The following SORCS2 variants were observed in gnomAD, a reference collection of about 807,000 sequenced individuals.
SORCS2 encodes VPS10 domain-containing receptor SorCS2.
In SORCS2, 100 loss-of-function variants were observed where a neutral mutation model predicts 141.6. That is an observed-to-expected ratio of 0.71 (90% confidence interval 0.60 to 0.83). SORCS2 has a LOEUF of 0.83. Ranked by LOEUF, SORCS2 falls within the 40% of genes least tolerant of loss-of-function variation. The pLI is 0.00. For synonymous variants in SORCS2, 789 were observed against 676.9 expected, an observed-to-expected ratio of 1.17 and a Z score of -2.57; for missense variants, 1,646 against 1,560.2, an observed-to-expected ratio of 1.05 and a Z score of -0.93.
chr4:7,625,482 A>G (rs73218615), intron 3 of SORCS2, among the ~76,000 whole-genome samples: 1,784 of 152,072 alleles, frequency 0.012, 13 homozygotes, highest in Middle Eastern at 0.017. Flanking sequence ...GCACACAGTC[A>G]CCGTCTCTCA....
At chr4:7,216,622 C>G (rs11723611) in intron 1 of SORCS2, among the ~76,000 whole-genome samples, 38,245 of 151,998 alleles carry the variant, frequency 0.25, 5,150 homozygotes, top group East Asian at 0.45. Context: ...CTCCTTACTC[C>G]CATCCCTCCA....
chr4:7,404,494 C>T (rs1362587394), intron 2 of SORCS2, among the ~76,000 whole-genome samples: 1 of 152,044 alleles, frequency 6.6e-6, no homozygotes, highest in African/African-American at 2.4e-5. Flanking sequence ...TGCACTGTTC[C>T]ACATCCTCAC....
chr4:7,531,708 C>A, intron 3 of SORCS2, 79 bp downstream of exon 3: 3 of 1,400,160 alleles, frequency 2.1e-6, no homozygotes, highest in Non-Finnish European at 3.0e-6. Flanking sequence ...AAGCTGCTGC[C>A]CTGCCCTGCT....
rs112138461 is a variant in SORCS2 at position 7,402,664 on chromosome 4, A to C, written c.548+6309A>C. On this transcript the variant is annotated intron_variant, in intron 2 of 26. Transcript: ENST00000507866. ...GGATAGGGTGGAAGATGTGTGCACA[A>C]CTTTCTTTTTCTCTACCTATTGCCA... is the stretch of plus-strand genomic sequence containing the variant. Among the ~76,000 whole-genome samples the C allele has an allele frequency of 3.2e-3, 493 of 152,310 alleles. 6 individuals carry two copies. Among genetic ancestry groups the C allele is most frequent in the African/African-American group, 0.011 (446 of 41,558 alleles).
At chr4:7,203,964 T>C (rs4689083) in intron 1 of SORCS2, among the ~76,000 whole-genome samples, 69,908 of 152,174 alleles carry the variant, frequency 0.46, 18,788 homozygotes, top group East Asian at 0.8. Context: ...CCTGAAGGTT[T>C]GCCCAGGCTG....
intron 2 of SORCS2, among the ~76,000 whole-genome samples, chr4:7,421,667 G>C (rs1276049690): frequency 6.6e-6 from 1 of 152,140 alleles, no homozygotes; most frequent in Non-Finnish European, 1.5e-5. Context: ...CTCTCCAGTG[G>C]CTCCGGGGAC....
chr4:7,576,134 C>T (rs370600617), intron 3 of SORCS2, among the ~76,000 whole-genome samples: 16 of 152,150 alleles, frequency 1.1e-4, no homozygotes, highest in East Asian at 3.9e-4. Context: ...GATTAATTAG[C>T]GTGCGAGGGA....
chr4:7,445,057 G>A (rs1298470401), intron 2 of SORCS2, among the ~76,000 whole-genome samples: 4 of 152,158 alleles, frequency 2.6e-5, no homozygotes, highest in Non-Finnish European at 5.9e-5. Context: ...GACCATTGCT[G>A]CGGGTGGCAA....
chr4:7,329,804 C>A (rs116430693), intron 1 of SORCS2, among the ~76,000 whole-genome samples: 2 of 152,188 alleles, frequency 1.3e-5, no homozygotes, highest in Non-Finnish European at 2.9e-5. Flanking sequence ...CCCATACAAC[C>A]TTTCCAGGTC....
chr4:7,659,862 G>T (rs182889301), intron 5 of SORCS2, among the ~76,000 whole-genome samples: 5 of 152,180 alleles, frequency 3.3e-5, no homozygotes, highest in South Asian at 4.1e-4. Context: ...TATTTGGTAC[G>T]CAATGCTGTG....
At chr4:7,625,431 A>G (rs1719454518) in intron 3 of SORCS2, among the ~76,000 whole-genome samples, 1 of 152,060 alleles carries the variant, frequency 6.6e-6, no homozygotes. Flanking sequence ...TTGTGAGAAT[A>G]TAATGAGGAC....
At chr4:7,418,713 C>CCCA (rs1553859437) in intron 2 of SORCS2, among the ~76,000 whole-genome samples, 1 of 50,676 alleles carries the variant, frequency 2.0e-5, no homozygotes, top group Non-Finnish European at 5.1e-5. Context: ...CCCCCCCCCC[C>CCCA]ACCAGATTTG....
intron 1 of SORCS2, among the ~76,000 whole-genome samples, chr4:7,215,414 G>C (rs923838004): frequency 6.6e-6 from 1 of 152,222 alleles, no homozygotes; most frequent in Non-Finnish European, 1.5e-5. Flanking sequence ...GCCTTCCCCC[G>C]ACTCCGTGGG....
chr4:7,389,034 C>A (rs746637135), intron 1 of SORCS2, among the ~76,000 whole-genome samples: 4 of 152,234 alleles, frequency 2.6e-5, no homozygotes, highest in Non-Finnish European at 5.9e-5. Flanking sequence ...CTTAACTTGG[C>A]GGTTCTGCCC....
chr4:7,520,051 G>C (rs1733226440), intron 2 of SORCS2, among the ~76,000 whole-genome samples: 1 of 152,234 alleles, frequency 6.6e-6, no homozygotes, highest in Admixed American at 6.5e-5. Context: ...CCTGGAGGAG[G>C]AGAGCCCTGG....
intron 2 of SORCS2, among the ~76,000 whole-genome samples, chr4:7,427,853 C>T (rs962944829): frequency 6.8e-6 from 1 of 146,628 alleles, no homozygotes; most frequent in African/African-American, 2.5e-5. Context: ...GCCCCCCCGC[C>T]CCCCCGCACC....
chr4:7,277,603 A>G (rs545353683), intron 1 of SORCS2, among the ~76,000 whole-genome samples: 1 of 152,056 alleles, frequency 6.6e-6, no homozygotes, highest in African/African-American at 2.4e-5. Flanking sequence ...AGGGGGAGAG[A>G]TGATTGGATT....
At chr4:7,736,613 G>A (rs1328883050) in intron 25 of SORCS2, among the ~76,000 whole-genome samples, 1 of 152,190 alleles carries the variant, frequency 6.6e-6, no homozygotes, top group Admixed American at 6.5e-5. Context: ...CTGGGAAATC[G>A]AGGACAGTAC....
rs145119727 is a variant in SORCS2, at chr4:7,571,538, G to A, written c.648+39909G>A. Among the ~76,000 whole-genome samples the A allele has an allele frequency of 4.9e-3, 753 of 152,256 alleles. 12 individuals carry two copies. The highest frequency in any genetic ancestry group is 0.017 in the African/African-American group (726 of 41,540). On this transcript the variant is annotated intron_variant, in intron 3 of 26. Coordinates refer to ENST00000507866, the MANE Select transcript of SORCS2 (RefSeq NM_020777.3). Reference sequence around the variant, plus strand: ...CGCAAAATTCTACCTGGGCAGTCCCGTGGGACTACTATGAGAAATGGAAAG... The same window carrying A: ...CGCAAAATTCTACCTGGGCAGTCCCATGGGACTACTATGAGAAATGGAAAG...
Sources: gnomAD v4.1 joint callset for allele counts (sites outside exome capture counted in the v4.1 genomes callset) on GRCh38, gnomAD v4.1.1 for gene constraint, MANE v1.5 for transcripts, NCBI Gene and HGNC (gene_info 2026-07-23, HGNC 2026-07-21) for gene names.